ETV3: variants seen among roughly 807,000 people sequenced by gnomAD.
ETV3 encodes ETS translocation variant 3.
In ETV3, 8 loss-of-function variants were observed where a neutral mutation model predicts 33.0. The ratio of observed to expected loss-of-function variants is 0.24; its 90% CI spans 0.14 to 0.44. The LOEUF (loss-of-function observed/expected upper bound fraction) is 0.44. Among genes scored for constraint, ETV3 ranks in the 20% least tolerant of loss-of-function variants. The pLI, the probability that ETV3 is intolerant of heterozygous loss-of-function variation, is 1.00. For synonymous variants in ETV3, 222 were observed against 238.9 expected, an observed-to-expected ratio of 0.93 and a Z score of 0.65; for missense variants, 473 against 652.3, an observed-to-expected ratio of 0.73 and a Z score of 2.99.
chr1:157,127,542 C>CTTTT (rs779661847), intron 4 of ETV3, among the ~76,000 whole-genome samples: 4 of 133,542 alleles, frequency 3.0e-5, no homozygotes, highest in African/African-American at 8.2e-5. Flanking sequence ...CTTATGTCAA[C>CTTTT]TTTTTTTTTT....
At chr1:157,128,547 G>A (rs1280239268) in intron 4 of ETV3, 3 of 256,876 alleles carry the variant, frequency 1.2e-5, no homozygotes, top group Non-Finnish European at 2.4e-5. Flanking sequence ...CTGGGGAGAG[G>A]ATACCGATGG....
Position 157,135,580 on chromosome 1 carries a change from C to A in ETV3, c.175G>T (p.Gly59Ter), listed in dbSNP as rs781118236. The A allele has an allele frequency of 1.2e-6, 2 of 1,614,092 alleles. No individual in the cohort carries two copies. Among genetic ancestry groups the A allele is most frequent in the Non-Finnish European group, 1.7e-6 (2 of 1,179,986 alleles). The change falls in exon 3 of 5, where the codon GGA becomes TGA. Residue 59 changes from glycine (G) to a stop codon, truncating the protein, a stop_gained. Coordinates refer to ENST00000368192, the MANE Select transcript of ETV3 (RefSeq NM_001145312.3). LOFTEE classifies it high-confidence loss of function. ...EFRHVIAWQQ[G>*]EYGEFVIKDP... is the part of the protein sequence containing the mutation. ...TTGATGACAAATTCCCCGTACTCTC[C>A]CTGCTGCCAGGCGATGACATGGCGG...
At position 157,125,635 on chromosome 1, in the gene ETV3, C is replaced by A; in HGVS notation, c.745G>T (p.Val249Phe). The stretch of plus-strand genomic sequence containing the variant: ...CCTCCGCGGCCAGGGATTGGAGAGA[C>A]AGCGAAGGGACTGTGGGGGTCAGGG... The part of the protein sequence containing the change: ...MYPDPHSPFA[V>F]SPIPGRGGVL... Residue 249 changes from valine (V) to phenylalanine (F), a missense_variant, in exon 5 of 5, where the codon GTC (valine) becomes TTC (phenylalanine). Val to Phe is a conservative substitution (Grantham distance 50, BLOSUM62 -1). Around this residue, in one of 3 missense-constraint regions of ETV3, gnomAD observed 410 missense variants for 520.2 expected, o/e 0.79. Transcript: ENST00000368192. This position sits in a 1 kb window ranked among gnomAD's most constrained non-coding sequence, Gnocchi z 4.0. The A allele has an allele frequency of 1.3e-6, 2 of 1,551,682 alleles. No individual in the cohort carries two copies. The highest frequency in any genetic ancestry group is 1.7e-6 in the Non-Finnish European group (2 of 1,147,000).
At chr1:157,126,947 G>C (rs1473053202) in intron 4 of ETV3, among the ~76,000 whole-genome samples, 1 of 149,490 alleles carries the variant, frequency 6.7e-6, no homozygotes, top group Non-Finnish European at 1.5e-5. Context: ...GGGAGGGACA[G>C]AGCTGCCCTG....
At chr1:157,129,679 GC>G (rs1177044737) in intron 4 of ETV3, among the ~76,000 whole-genome samples, 1 of 152,146 alleles carries the variant, frequency 6.6e-6, no homozygotes, top group African/African-American at 2.4e-5. Context: ...TATTACAGTG[GC>G]TACAATTCTA....
intron 4 of ETV3, chr1:157,133,107 A>G (rs2103205224): frequency 6.6e-6 from 1 of 152,540 alleles, no homozygotes; most frequent in Admixed American, 6.5e-5. Flanking sequence ...AGTTACCCAC[A>G]AAGGTCTGAA....
intron 4 of ETV3, among the ~76,000 whole-genome samples, chr1:157,126,306 C>T (rs1208500788): frequency 2.0e-5 from 3 of 152,264 alleles, no homozygotes; most frequent in Middle Eastern, 3.4e-3. Flanking sequence ...CAGGGCTTAA[C>T]GGTTGTGTAC....
intron 4 of ETV3, among the ~76,000 whole-genome samples, chr1:157,131,627 T>TA (rs1324680834): frequency 9.9e-5 from 15 of 152,230 alleles, no homozygotes; most frequent in Non-Finnish European, 1.8e-4. Context: ...GTTCAATAGA[T>TA]AACTATTCAA....
chr1:157,133,463 A>G, intron 4 of ETV3: 1 of 985,760 alleles, frequency 1.0e-6, no homozygotes, highest in Non-Finnish European at 1.2e-6. Flanking sequence ...GTCTTTTGAG[A>G]GACTGCTTTC....
rs192089807 is a variant in ETV3 at position 157,121,543 on chromosome 1, T to C, written c.*3298A>G. On this transcript the variant is annotated 3_prime_UTR_variant, in exon 5 of 5. Coordinates refer to ENST00000368192, the MANE Select transcript of ETV3 (RefSeq NM_001145312.3). The stretch of plus-strand genomic sequence containing the variant: ...TTCTATAACTCAAAGAATGCTTAAA[T>C]ATCTCAAAACAAATTAACTGGTAAC... The C allele has an allele frequency of 6.6e-6, 1 of 152,314 alleles. No homozygotes were observed. Among genetic ancestry groups the C allele is most frequent in the East Asian group, 1.9e-4 (1 of 5,188 alleles). The allele number at this position is 152,314 out of a possible 1,614,324, so 9.4% of individuals were successfully genotyped here.
At chr1:157,129,085 G>GT (rs1674914746) in intron 4 of ETV3, among the ~76,000 whole-genome samples, 1 of 152,186 alleles carries the variant, frequency 6.6e-6, no homozygotes, top group African/African-American at 2.4e-5. Context: ...ATTCACCAGT[G>GT]TTTTATGTTC....
In ETV3 at chr1:157,122,571, A is replaced by C. The variant is rs1006333583; in HGVS notation, c.*2270T>G. The C allele has an allele frequency of 1.3e-5, 2 of 152,154 alleles. No individual in the cohort carries two copies. The highest frequency in any genetic ancestry group is 4.8e-5 in the African/African-American group (2 of 41,440). The allele number at this position is 152,154 out of a possible 1,614,324, so 9.4% of individuals were successfully genotyped here. On this transcript the variant is annotated 3_prime_UTR_variant, in exon 5 of 5. Transcript: ENST00000368192. ...TGGCACTTGGGTTCTAGGGGGTTAC[A>C]GGTATGCATCATGGATTCTTCTCCC...
chr1:157,135,739 G>A, intron 2 of ETV3, 31 bp from the exon 3 acceptor site: 1 of 1,608,948 alleles, frequency 6.2e-7, no homozygotes, highest in Non-Finnish European at 8.5e-7. Flanking sequence ...GATTAAGCTA[G>A]TTAAGAGGTA....
Position 157,121,556 on chromosome 1 carries a change from A to G in ETV3, c.*3285T>C, listed in dbSNP as rs1674710802. ...AGAATGCTTAAATATCTCAAAACAAATTAACTGGTAACTTTTTATCCCCCT... is the reference window on the plus strand; with the variant it reads ...AGAATGCTTAAATATCTCAAAACAAGTTAACTGGTAACTTTTTATCCCCCT... On this transcript the variant is annotated 3_prime_UTR_variant, in exon 5 of 5. Coordinates refer to ENST00000368192, the MANE Select transcript of ETV3 (RefSeq NM_001145312.3). 1 of 152,242 alleles carries G rather than the reference A, an allele frequency of 6.6e-6. No homozygotes were observed. The highest frequency in any genetic ancestry group is 6.5e-5 in the Admixed American group (1 of 15,282). 9.4% of individuals were successfully genotyped at this position (152,242 alleles called of 1,614,324 possible). A position where few individuals can be genotyped will look rare whatever the true frequency, so the allele number is the denominator to read the frequency against.
At position 157,123,315 on chromosome 1, in the gene ETV3, C is replaced by T. The variant is rs905492956; in HGVS notation, c.*1526G>A. The T allele has an allele frequency of 6.6e-6, 1 of 152,298 alleles. No homozygotes were observed. The highest frequency in any genetic ancestry group is 1.5e-5 in the Non-Finnish European group (1 of 68,082). 9.4% of individuals were successfully genotyped at this position (152,298 alleles called of 1,614,324 possible). A position where few individuals can be genotyped will look rare whatever the true frequency, so the allele number is the denominator to read the frequency against. On this transcript the variant is annotated 3_prime_UTR_variant, in exon 5 of 5. Coordinates refer to ENST00000368192, the MANE Select transcript of ETV3 (RefSeq NM_001145312.3). ...TTTCTCTCTGCCCCTAGTCCAGGCT[C>T]CTTTGCTTCACGTAAGATTAACACT...
intron 2 of ETV3, among the ~76,000 whole-genome samples, chr1:157,135,924 G>A (rs1675098588): frequency 6.6e-6 from 1 of 152,190 alleles, no homozygotes; most frequent in African/African-American, 2.4e-5. Flanking sequence ...GAGTTGGGCA[G>A]CAGCAACCAG....
chr1:157,126,484 G>A (rs944113055), intron 4 of ETV3, among the ~76,000 whole-genome samples: 4 of 152,136 alleles, frequency 2.6e-5, no homozygotes, highest in Admixed American at 1.3e-4. Flanking sequence ...TGTGTGTGAC[G>A]AGGTAGAGGT....
In ETV3 at chr1:157,131,586, C is replaced by T. The variant is rs1674969417; in HGVS notation, c.400+2526G>A. ...AAATAAGGGCTAGACTTCAACAGCT[C>T]GATCTCTCAGGAATTGTTTCCCTAG... is the stretch of plus-strand genomic sequence containing the variant. On this transcript the variant is annotated intron_variant, in intron 4 of 4. Coordinates refer to ENST00000368192, the MANE Select transcript of ETV3 (RefSeq NM_001145312.3). 2.0e-5 allele frequency among the ~76,000 whole-genome samples: 3 copies of T among 152,174 alleles called. No homozygotes were observed. In the South Asian group the frequency reaches 6.2e-4, roughly 32 times the overall value.
chr1:157,128,443 G>T, intron 4 of ETV3: 1 of 329,600 alleles, frequency 3.0e-6, no homozygotes, highest in Non-Finnish European at 6.2e-6. Context: ...AGGCAAGCAC[G>T]AGACTGGGCC....
Sources: allele counts gnomAD v4.1 joint callset (sites outside exome capture counted in the v4.1 genomes callset), GRCh38; gene constraint gnomAD v4.1.1; regional missense constraint gnomAD v4.1.1; non-coding constraint Gnocchi (gnomAD v3.1); transcripts MANE v1.5; gene names NCBI Gene and HGNC (gene_info 2026-07-23, HGNC 2026-07-21).